ATRNL1: variants seen among roughly 807,000 people sequenced by gnomAD.
ATRNL1 encodes attractin like 1, also known as attractin-like protein 1.
In ATRNL1, 95 loss-of-function variants were observed where a neutral mutation model predicts 182.7. The observed-to-expected ratio is 0.52, with a 90% CI of 0.44 to 0.62. ATRNL1 has a LOEUF of 0.62. Ranked by LOEUF, ATRNL1 falls within the 20% of genes least tolerant of loss-of-function variation. The pLI is 0.00. For missense variants in ATRNL1, 1,471 were observed against 1,679.5 expected, an observed-to-expected ratio of 0.88 and a Z score of 2.17; for synonymous variants, 576 against 568.3, an observed-to-expected ratio of 1.01 and a Z score of -0.19.
chr10:115,451,879 G>A (rs1255083124), intron 21 of ATRNL1, among the ~76,000 whole-genome samples: 2 of 152,110 alleles, frequency 1.3e-5, no homozygotes, highest in African/African-American at 2.4e-5. Context: ...ATCAGTGACA[G>A]ATCAGATAAA....
intron 18 of ATRNL1, among the ~76,000 whole-genome samples, chr10:115,323,120 G>T (rs896928453): frequency 3.5e-4 from 53 of 151,588 alleles, no homozygotes; most frequent in Non-Finnish European, 6.0e-4. Flanking sequence ...TATTATTCAT[G>T]TGATGGTAAA....
intron 10 of ATRNL1, among the ~76,000 whole-genome samples, chr10:115,243,625 C>T (rs1850512966): frequency 6.6e-6 from 1 of 151,908 alleles, no homozygotes; most frequent in South Asian, 2.1e-4. Flanking sequence ...TAGTTGGGCC[C>T]AGTGTATGTT....
At chr10:115,935,543 C>T (rs973916200) in intron 28 of ATRNL1, among the ~76,000 whole-genome samples, 1 of 151,992 alleles carries the variant, frequency 6.6e-6, no homozygotes, top group Non-Finnish European at 1.5e-5. Flanking sequence ...TGCAAATGAG[C>T]GGAGTGAAGG....
Position 115,896,749 on chromosome 10 carries a change from T to C in ATRNL1, c.4019-47909T>C, listed in dbSNP as rs116610066. Among the ~76,000 whole-genome samples the C allele has an allele frequency of 7.6e-3, 1,150 of 152,234 alleles. 14 individuals are homozygous for C. Among genetic ancestry groups the C allele is most frequent in the African/African-American group, 0.026 (1,097 of 41,554 alleles). On this transcript the variant is annotated intron_variant, in intron 28 of 28. Transcript: ENST00000355044. ...TGAAGGAAGGATGACTTTTCAATAG[T>C]AGTATAGGGAGAGTTGGCTGGAAGC...
At chr10:115,304,793 T>C (rs1358943550) in intron 17 of ATRNL1, among the ~76,000 whole-genome samples, 1 of 152,026 alleles carries the variant, frequency 6.6e-6, no homozygotes, top group East Asian at 1.9e-4. Flanking sequence ...CAAATACATG[T>C]GGGGCAAGGG....
At chr10:115,939,026 A>T (rs1224012891) in intron 28 of ATRNL1, among the ~76,000 whole-genome samples, 2 of 152,256 alleles carry the variant, frequency 1.3e-5, no homozygotes, top group South Asian at 2.1e-4. Context: ...CCACAAAAAA[A>T]GATGGTAAGT....
chr10:115,180,962 A>T (rs1188888645), intron 8 of ATRNL1, among the ~76,000 whole-genome samples: 1 of 151,848 alleles, frequency 6.6e-6, no homozygotes, highest in African/African-American at 2.4e-5. Flanking sequence ...GAAACTGTAT[A>T]CAAACAGTAT....
intron 1 of ATRNL1, among the ~76,000 whole-genome samples, chr10:115,110,553 C>T (rs1454682374): frequency 1.3e-5 from 2 of 152,114 alleles, no homozygotes; most frequent in Non-Finnish European, 2.9e-5. Flanking sequence ...TGGATAACAG[C>T]CTAGCTCAAC....
At chr10:115,727,637 T>A (rs781828787) in intron 27 of ATRNL1, among the ~76,000 whole-genome samples, 4 of 152,158 alleles carry the variant, frequency 2.6e-5, no homozygotes, top group Non-Finnish European at 5.9e-5. Context: ...AAGATATAGG[T>A]ATGATCGAAG....
chr10:115,396,609 G>A (rs78025345), intron 20 of ATRNL1, among the ~76,000 whole-genome samples: 2 of 151,992 alleles, frequency 1.3e-5, no homozygotes, highest in East Asian at 3.9e-4. Flanking sequence ...ATAGCAGTGT[G>A]CAGCAATGAA....
intron 26 of ATRNL1, among the ~76,000 whole-genome samples, chr10:115,636,402 G>T (rs1555028176): frequency 2.6e-5 from 4 of 152,252 alleles, no homozygotes; most frequent in African/African-American, 9.6e-5. Context: ...GTACCAGTGG[G>T]AGCTGCAGAG....
chr10:115,833,095 C>T (rs1950594971), intron 27 of ATRNL1, among the ~76,000 whole-genome samples: 1 of 151,984 alleles, frequency 6.6e-6, no homozygotes, highest in Admixed American at 6.6e-5. Flanking sequence ...TTGTAATAAG[C>T]AGGAAAGTTA....
chr10:115,550,924 A>G (rs1185003479), intron 26 of ATRNL1, among the ~76,000 whole-genome samples: 1 of 151,818 alleles, frequency 6.6e-6, no homozygotes, highest in Non-Finnish European at 1.5e-5. Context: ...CCTGAGGAGC[A>G]CTATTTAAAT....
intron 14 of ATRNL1, among the ~76,000 whole-genome samples, chr10:115,285,245 T>G (rs1433979395): frequency 6.6e-6 from 1 of 152,074 alleles, no homozygotes; most frequent in African/African-American, 2.4e-5. Flanking sequence ...AAAACCATTT[T>G]TAATTTTAAA....
At chr10:115,448,861 CAA>C (rs1554967149) in intron 21 of ATRNL1, among the ~76,000 whole-genome samples, 1 of 151,506 alleles carries the variant, frequency 6.6e-6, no homozygotes, top group African/African-American at 2.4e-5. Flanking sequence ...CAACCAACAA[CAA>C]CAACAACAAC....
chr10:115,935,614 A>G (rs539228245), intron 28 of ATRNL1, among the ~76,000 whole-genome samples: 1 of 152,216 alleles, frequency 6.6e-6, no homozygotes, highest in East Asian at 1.9e-4. Context: ...GTGGGCATAA[A>G]CTAGTCATTT....
chr10:115,550,967 T>C (rs2133812757), intron 26 of ATRNL1, among the ~76,000 whole-genome samples: 2 of 151,756 alleles, frequency 1.3e-5, no homozygotes, highest in East Asian at 3.9e-4. Context: ...AATGCATCTA[T>C]GTAAATATAG....
intron 9 of ATRNL1, among the ~76,000 whole-genome samples, chr10:115,225,529 C>T (rs1256599484): frequency 8.0e-6 from 1 of 125,696 alleles, no homozygotes; most frequent in African/African-American, 2.7e-5. Flanking sequence ...TCAGTTGCTG[C>T]AAATAACATC....
At chr10:115,494,977 TGGTA>T (rs1196709905) in intron 24 of ATRNL1, among the ~76,000 whole-genome samples, 1 of 152,188 alleles carries the variant, frequency 6.6e-6, no homozygotes, top group Non-Finnish European at 1.5e-5. Context: ...GGGTTTTTTC[TGGTA>T]GGTAGACTTT....
Sources: allele counts gnomAD v4.1 joint callset (sites outside exome capture counted in the v4.1 genomes callset), GRCh38; gene constraint gnomAD v4.1.1; transcripts MANE v1.5; gene names NCBI Gene and HGNC (gene_info 2026-07-23, HGNC 2026-07-21).